KIAA1671: variants seen among roughly 807,000 people sequenced by gnomAD.
KIAA1671 encodes KIAA1671, also known as uncharacterized protein KIAA1671.
Under a neutral mutation model 131.2 loss-of-function variants are expected in KIAA1671, and 52 were observed. That is an observed-to-expected ratio of 0.40 (90% CI 0.32 to 0.50). The LOEUF is 0.50. Ranked by LOEUF, KIAA1671 falls within the 20% of genes least tolerant of loss-of-function variation. The probability of loss-of-function intolerance (pLI) is 0.73; values close to 1 mark genes in which losing one functional copy is unlikely to be tolerated. For missense variants in KIAA1671, 2,360 were observed against 2,364.2 expected (o/e 1.00, Z 0.04); for synonymous variants, 1,003 against 961.6 (o/e 1.04, Z -0.80).
intron 1 of KIAA1671, among the ~76,000 whole-genome samples, chr22:24,961,216 T>G (rs1922001344): frequency 6.6e-6 from 1 of 152,036 alleles, no homozygotes; most frequent in African/African-American, 2.4e-5. Context: ...CCCAGGCTAG[T>G]TTCAAACTCC....
rs1200038792 is a variant in KIAA1671 at position 25,029,510 on chromosome 22, C to T, written c.1511C>T (p.Ala504Val). The T allele has an allele frequency of 5.8e-6, 9 of 1,548,132 alleles. No individual in the cohort carries two copies. Among genetic ancestry groups the T allele is most frequent in the Non-Finnish European group, 7.0e-6 (8 of 1,145,292 alleles). ...GAGGTCAGGAGGAGGACGTTCCAGGCTCGGCCGCTGTCGGCGGATTTGACC... is the reference window on the plus strand; with the variant it reads ...GAGGTCAGGAGGAGGACGTTCCAGGTTCGGCCGCTGTCGGCGGATTTGACC... ...KPEVRRRTFQ[A>V]RPLSADLTKL... is the part of the protein sequence containing the mutation. Residue 504 changes from alanine to valine, a missense_variant, in exon 3 of 13, where the codon GCT becomes GTT. Coordinates refer to ENST00000358431, the MANE Select transcript of KIAA1671 (RefSeq NM_001145206.2).
chr22:25,047,143 TTTC>T (rs1414317032), intron 5 of KIAA1671, among the ~76,000 whole-genome samples: 1 of 122,740 alleles, frequency 8.1e-6, no homozygotes, highest in Non-Finnish European at 1.6e-5. Context: ...GCTAATTTTT[TTTC>T]TTTTCTTTTT....
chr22:25,112,114 A>C (rs1042680932), intron 6 of KIAA1671: 2 of 398,170 alleles, frequency 5.0e-6, no homozygotes, highest in African/African-American at 4.1e-5. Flanking sequence ...GCAAGAGGAC[A>C]CTGGCGTTTT....
At chr22:25,082,993 A>G (rs1003397412) in intron 6 of KIAA1671, among the ~76,000 whole-genome samples, 4 of 152,212 alleles carry the variant, frequency 2.6e-5, no homozygotes, top group Non-Finnish European at 4.4e-5. Context: ...TTTTGTTGCT[A>G]TAATATAAAT....
In KIAA1671 at chr22:25,078,077, G is replaced by A. The variant is rs185178984; in HGVS notation, c.4530+28713G>A. Among the ~76,000 whole-genome samples, 3 of 152,330 alleles carry A rather than the reference G, an allele frequency of 2.0e-5. No individual in the cohort carries two copies. The East Asian group carries it at 5.8e-4, about 29-fold the overall frequency. On this transcript the variant is annotated intron_variant, in intron 6 of 12. Coordinates refer to ENST00000358431, the MANE Select transcript of KIAA1671 (RefSeq NM_001145206.2). The stretch of plus-strand genomic sequence containing the variant: ...GTAACCACCAGATATGCAACAGCTG[G>A]CCAGGGGCAGAGCTGGGATTTGAAC...
In KIAA1671 at chr22:25,181,713, A is replaced by G; in HGVS notation, c.5089A>G (p.Arg1697Gly). The G allele has an allele frequency of 1.3e-6, 2 of 1,551,602 alleles. No homozygotes were observed. ...FKDSTEEKSP[R>G]KEESDEEETA... ...CTTTGCAACAGAGGAGAAATCACCC[A>G]GGAAGGAGGAGTCGGATGAGGAGGA... The change falls in exon 10 of 13, where the codon AGG becomes GGG. Residue 1697 changes from arginine to glycine, a missense_variant. This residue lies in a region of KIAA1671 where 1,161 missense variants were observed against 1,204.7 expected (regional missense o/e 0.96). Coordinates refer to ENST00000358431, the MANE Select transcript of KIAA1671 (RefSeq NM_001145206.2).
At chr22:25,042,347 C>T (rs1162285320) in intron 5 of KIAA1671, among the ~76,000 whole-genome samples, 1 of 152,044 alleles carries the variant, frequency 6.6e-6, no homozygotes, top group East Asian at 1.9e-4. Flanking sequence ...CAGAATCCAG[C>T]ATCATGCTTG....
intron 6 of KIAA1671, among the ~76,000 whole-genome samples, chr22:25,093,834 G>GTCTCTCTCTCTTTCTCTCTC (rs1568951583): frequency 5.9e-5 from 1 of 16,942 alleles, no homozygotes; most frequent in African/African-American, 3.3e-4. Flanking sequence ...TTCTCTCTCT[G>GTCTCTCTCTCTTTCTCTCTC]TCTGTCTCTC....
chr22:25,111,824 C>G (rs1003247655), intron 6 of KIAA1671: 2 of 127,956 alleles, frequency 1.6e-5, no homozygotes, highest in African/African-American at 6.2e-5. Context: ...GTGAGTGCAG[C>G]CGGCTTGTTC....
intron 7 of KIAA1671, among the ~76,000 whole-genome samples, 180 bp downstream of exon 7, chr22:25,171,118 G>C (rs1435246845): frequency 6.6e-6 from 1 of 152,174 alleles, no homozygotes; most frequent in East Asian, 1.9e-4. Flanking sequence ...AAAGATTATG[G>C]GCCGGGTGCG....
intron 4 of KIAA1671, among the ~76,000 whole-genome samples, chr22:25,033,574 GTTTTTTTT>G (rs71191019): frequency 5.1e-5 from 3 of 58,420 alleles, no homozygotes; most frequent in Admixed American, 2.9e-4. Flanking sequence ...GTTTGTTTTC[GTTTTTTTT>G]TTTTTTTTTT....
intron 6 of KIAA1671, among the ~76,000 whole-genome samples, chr22:25,133,053 CAAAAAAAAAAAAA>C (rs200397060): frequency 1.1e-5 from 1 of 90,480 alleles, no homozygotes; most frequent in East Asian, 3.3e-4. Context: ...GACTCCATCT[CAAAAAAAAAAAAA>C]AAAAAAAAAA....
In KIAA1671 at chr22:25,038,901, G is replaced by A. The variant is rs1023722195; in HGVS notation, c.1771G>A (p.Val591Met). The change falls in exon 5 of 13, where the codon GTG becomes ATG. Residue 591 changes from valine to methionine, a missense_variant. Physicochemically the swap from Val to Met is conservative, Grantham distance 21 (BLOSUM62 1). Transcript: ENST00000358431. ...CGACAGCTGTCGCGGTGGAAGCTCA[G>A]TGGAGGCCCCGTGCCCTTCTGACGT... ...DPDSCRGGSS[V>M]EAPCPSDVTP... 3.2e-6 allele frequency: 5 copies of A among 1,551,732 alleles called. No homozygotes were observed. The highest frequency in any genetic ancestry group is 4.4e-6 in the Non-Finnish European group (5 of 1,147,006).
chr22:25,166,213 T>A (rs1031759574), intron 6 of KIAA1671, among the ~76,000 whole-genome samples: 1 of 152,032 alleles, frequency 6.6e-6, no homozygotes, highest in Non-Finnish European at 1.5e-5. Context: ...AGTATGGCAG[T>A]GAAGGAGAGA....
intron 4 of KIAA1671, among the ~76,000 whole-genome samples, chr22:25,036,285 G>A (rs923732700): frequency 2.8e-4 from 42 of 151,976 alleles, no homozygotes; most frequent in African/African-American, 1.0e-3. Flanking sequence ...TCTCCATGTT[G>A]GTCAGGCTGG....
intron 1 of KIAA1671, among the ~76,000 whole-genome samples, chr22:24,962,414 T>C (rs1922064424): frequency 1.3e-5 from 2 of 152,158 alleles, no homozygotes; most frequent in Admixed American, 6.5e-5. Context: ...GAGGGGGTCC[T>C]GATAGGGGCA....
intron 6 of KIAA1671, among the ~76,000 whole-genome samples, chr22:25,087,855 A>G (rs150482290): frequency 6.6e-6 from 1 of 152,322 alleles, no homozygotes; most frequent in East Asian, 1.9e-4. Flanking sequence ...GCTGTGAGCC[A>G]TAGCAGCCAG....
At chr22:25,063,347 G>C (rs536655876) in intron 6 of KIAA1671, 1 of 152,034 alleles carries the variant, frequency 6.6e-6, no homozygotes, top group Non-Finnish European at 1.5e-5. Context: ...AACGTGGCAC[G>C]TATGTATACA....
At chr22:25,171,427 A>G (rs1164731021) in intron 7 of KIAA1671, among the ~76,000 whole-genome samples, 4 of 151,714 alleles carry the variant, frequency 2.6e-5, no homozygotes, top group Non-Finnish European at 5.9e-5. Context: ...AAAAAAGATT[A>G]TGGGTCAGCC....
Sources: allele counts gnomAD v4.1 joint callset (sites outside exome capture counted in the v4.1 genomes callset), GRCh38; gene constraint gnomAD v4.1.1; regional missense constraint gnomAD v4.1.1; transcripts MANE v1.5; gene names NCBI Gene and HGNC (gene_info 2026-07-23, HGNC 2026-07-21).